The following MACROD2 variants were observed in gnomAD, a reference collection of about 807,000 sequenced individuals.
The protein encoded by MACROD2 is mono-ADP ribosylhydrolase 2, also known as ADP-ribose glycohydrolase MACROD2.
MACROD2 carries 36 observed loss-of-function variants against 70.4 expected under a neutral mutation model. The ratio of observed to expected loss-of-function variants is 0.51; its 90% confidence interval spans 0.39 to 0.68. The LOEUF (loss-of-function observed/expected upper bound fraction) is 0.68, where lower values mean the gene tolerates loss of function less well. MACROD2 is among the 30% of genes least tolerant of loss of function. MACROD2 has a pLI of 0.00. For missense variants in MACROD2, 496 were observed against 538.4 expected (o/e 0.92, Z 0.78); for synonymous variants, 172 against 178.8 (o/e 0.96, Z 0.30).
rs1299074125 is a variant in MACROD2 at position 14,699,792 on chromosome 20, CTAGAAGTTTAAAGTTTAAA to C, written c.418+14834_418+14852del. On this transcript the variant is annotated intron_variant, in intron 5 of 17. Coordinates refer to ENST00000684519, the MANE Select transcript of MACROD2 (RefSeq NM_001351661.2). ...AGTTTAAAGTTTAAACTTTTTAAAT[CTAGAAGTTTAAAGTTTAAA>C]CTTTTTAAATCTAGAAGTTTAAAGT... is the stretch of plus-strand genomic sequence containing the variant. 2.3e-3 allele frequency among the ~76,000 whole-genome samples: 349 copies of C among 151,142 alleles called. 9 individuals are homozygous for C. Among genetic ancestry groups the C allele is most frequent in the Non-Finnish European group, 2.5e-3 (172 of 67,722 alleles).
At chr20:15,379,479 A>T (rs1309169265) in intron 6 of MACROD2, among the ~76,000 whole-genome samples, 1 of 151,866 alleles carries the variant, frequency 6.6e-6, no homozygotes, top group Non-Finnish European at 1.5e-5. Flanking sequence ...TTTTCCACCG[A>T]AACCTGTTCC....
intron 5 of MACROD2, among the ~76,000 whole-genome samples, chr20:15,004,612 AAT>A (rs1476141000): frequency 6.6e-6 from 1 of 152,208 alleles, no homozygotes; most frequent in Non-Finnish European, 1.5e-5. Flanking sequence ...CTACAAGTTA[AAT>A]AACAGCAACG....
intron 5 of MACROD2, among the ~76,000 whole-genome samples, chr20:14,862,011 A>ATATTTT (rs1284334750): frequency 4.2e-5 from 1 of 23,602 alleles, no homozygotes; most frequent in African/African-American, 1.9e-4. Context: ...ATATTTATAT[A>ATATTTT]TATATATTTA....
chr20:14,889,576 T>A (rs1470355548), intron 5 of MACROD2, among the ~76,000 whole-genome samples: 1 of 152,182 alleles, frequency 6.6e-6, no homozygotes, highest in East Asian at 1.9e-4. Context: ...AAAGATCCTA[T>A]CCGGCATAGG....
At chr20:14,385,318 C>T (rs1234448444) in intron 3 of MACROD2, among the ~76,000 whole-genome samples, 1 of 152,056 alleles carries the variant, frequency 6.6e-6, no homozygotes, top group Non-Finnish European at 1.5e-5. Flanking sequence ...GATGGCTACA[C>T]CTTTATCAAA....
chr20:14,337,388 C>T (rs1404334260), intron 3 of MACROD2: 6 of 265,130 alleles, frequency 2.3e-5, no homozygotes, highest in Non-Finnish European at 3.5e-5. Context: ...TAAGAAAAAA[C>T]ATGGAAAACA....
chr20:15,844,057 CAT>C (rs1205251032), intron 8 of MACROD2, among the ~76,000 whole-genome samples: 1 of 151,726 alleles, frequency 6.6e-6, no homozygotes, highest in Admixed American at 6.6e-5. Context: ...CATGCCTGCA[CAT>C]ATATGAGTAG....
At chr20:14,957,095 A>C (rs992816882) in intron 5 of MACROD2, among the ~76,000 whole-genome samples, 10 of 152,110 alleles carry the variant, frequency 6.6e-5, no homozygotes, top group African/African-American at 2.4e-4. Flanking sequence ...ACACATTATC[A>C]ATGATTTTTT....
intron 8 of MACROD2, among the ~76,000 whole-genome samples, chr20:15,819,216 A>T (rs889530644): frequency 3.5e-5 from 5 of 142,666 alleles, no homozygotes; most frequent in South Asian, 2.1e-4. Flanking sequence ...TATATATATA[A>T]AAATATATAT....
intron 3 of MACROD2, among the ~76,000 whole-genome samples, chr20:14,285,003 TAAACACATTAAAATA>T: frequency 6.6e-6 from 1 of 152,132 alleles, no homozygotes. Context: ...CATCAAAAAA[TAAACACATTAAAATA>T]AATCTGTTAT....
At chr20:15,524,501 T>A (rs2047694687) in intron 8 of MACROD2, among the ~76,000 whole-genome samples, 1 of 152,196 alleles carries the variant, frequency 6.6e-6, no homozygotes, top group South Asian at 2.1e-4. Context: ...CAGTACAAAC[T>A]AACCCAAACA....
intron 10 of MACROD2, among the ~76,000 whole-genome samples, chr20:15,911,665 G>T (rs2065239519): frequency 6.6e-6 from 1 of 152,210 alleles, no homozygotes; most frequent in South Asian, 2.1e-4. Context: ...GGTGGGAGAA[G>T]TGAGAAAACA....
intron 3 of MACROD2, among the ~76,000 whole-genome samples, chr20:14,254,060 T>C (rs747893152): frequency 3.3e-5 from 5 of 152,078 alleles, no homozygotes; most frequent in Non-Finnish European, 7.4e-5. Context: ...TAAAAAAAGA[T>C]AGATATGCAA....
chr20:14,185,797 T>A (rs993626198), intron 3 of MACROD2, among the ~76,000 whole-genome samples: 3 of 152,126 alleles, frequency 2.0e-5, no homozygotes, highest in Admixed American at 6.6e-5. Flanking sequence ...AACAATAATA[T>A]TACCTGCCAC....
chr20:15,026,083 A>C (rs2075229068), intron 5 of MACROD2, among the ~76,000 whole-genome samples: 1 of 151,988 alleles, frequency 6.6e-6, no homozygotes, highest in South Asian at 2.1e-4. Flanking sequence ...CTGAAGTTAC[A>C]CTGTGGTAGA....
chr20:14,933,374 C>T (rs2074313116), intron 5 of MACROD2, among the ~76,000 whole-genome samples: 1 of 152,084 alleles, frequency 6.6e-6, no homozygotes, highest in Admixed American at 6.6e-5. Context: ...ATTTTAACCT[C>T]TAAGATATAT....
chr20:15,536,116 C>T (rs2047871528), intron 8 of MACROD2, among the ~76,000 whole-genome samples: 1 of 152,210 alleles, frequency 6.6e-6, no homozygotes, highest in Non-Finnish European at 1.5e-5. Context: ...CGTTCCCCCT[C>T]ATCAGCACTT....
intron 5 of MACROD2, among the ~76,000 whole-genome samples, chr20:14,831,727 C>A (rs6131615): frequency 8.4e-6 from 1 of 119,140 alleles, no homozygotes; most frequent in African/African-American, 3.1e-5. Context: ...TTGCAGTGAG[C>A]TGAGATCGCG....
chr20:15,311,828 G>A (rs1291893289), intron 6 of MACROD2, among the ~76,000 whole-genome samples: 1 of 152,080 alleles, frequency 6.6e-6, no homozygotes, highest in African/African-American at 2.4e-5. Context: ...TAACTGTTGG[G>A]TACTGTGCTC....
Sources: allele counts gnomAD v4.1 joint callset (sites outside exome capture counted in the v4.1 genomes callset), GRCh38; gene constraint gnomAD v4.1.1; transcripts MANE v1.5; gene names NCBI Gene and HGNC (gene_info 2026-07-23, HGNC 2026-07-21).